Variants in TASOR2 observed in about 807,000 individuals in gnomAD.
The protein encoded by TASOR2 is protein TASOR 2.
In TASOR2, 84 loss-of-function variants were observed where a neutral mutation model predicts 199.5. The observed-to-expected ratio is 0.42, with a 90% CI of 0.35 to 0.50. The LOEUF (loss-of-function observed/expected upper bound fraction) is 0.50. Among genes scored for constraint, TASOR2 ranks in the 20% least tolerant of loss-of-function variants. The probability of loss-of-function intolerance (pLI) is 0.02; values close to 1 mark genes in which losing one functional copy is unlikely to be tolerated. For synonymous variants in TASOR2, 1,103 were observed against 1,046.6 expected (o/e 1.05, Z -1.04); for missense variants, 2,796 against 2,835.9 (o/e 0.99, Z 0.32).
At chr10:5,693,102 G>A (rs1836673338) in intron 1 of TASOR2, among the ~76,000 whole-genome samples, 1 of 152,190 alleles carries the variant, frequency 6.6e-6, no homozygotes, top group South Asian at 2.1e-4. Context: ...TGTGGGGAGA[G>A]AAGCTTTGGC....
At chr10:5,704,578 G>A (rs546176010) in intron 1 of TASOR2, among the ~76,000 whole-genome samples, 63 of 151,900 alleles carry the variant, frequency 4.1e-4, no homozygotes, top group Non-Finnish European at 7.5e-4. Flanking sequence ...TCTTTTTTCA[G>A]CTATTTTTTC....
chr10:5,761,726 C>A, intron 19 of TASOR2: 1 of 344,974 alleles, frequency 2.9e-6, no homozygotes, highest in Non-Finnish European at 5.2e-6. Context: ...GTAGTTATAC[C>A]GTATTATTTT....
At position 5,757,678 on chromosome 10, in the gene TASOR2, G is replaced by A. The variant is rs1839163318; in HGVS notation, c.6886+5G>A. ...TACTAGAAGCTGTAACATTAGGTTGGTCTTTATTTTCTTTTCCTGTTTCTT... is the reference window on the plus strand; with the variant it reads ...TACTAGAAGCTGTAACATTAGGTTGATCTTTATTTTCTTTTCCTGTTTCTT... On this transcript the variant is annotated splice_donor_5th_base_variant and intron_variant, in intron 17 of 20. Coordinates refer to ENST00000328090, the Ensembl canonical transcript of TASOR2. 6.2e-7 allele frequency: 1 copy of A among 1,611,732 alleles called. No individual in the cohort carries two copies. The highest frequency in any genetic ancestry group is 1.3e-5 in the African/African-American group (1 of 74,778).
chr10:5,690,840 T>C lies in TASOR2; in HGVS notation c.-288+5665T>C, dbSNP rs1836335299. Among the ~76,000 whole-genome samples the C allele has an allele frequency of 6.6e-6, 1 of 152,238 alleles. No homozygotes were observed. Among genetic ancestry groups the C allele is most frequent in the Admixed American group, 6.5e-5 (1 of 15,282 alleles). On this transcript the variant is annotated intron_variant, in intron 1 of 20. Transcript: ENST00000328090. This position sits in a 1 kb window ranked among gnomAD's most constrained non-coding sequence, Gnocchi z 4.8. ...GAGGAGCCAGAACAATGGTCATTAC[T>C]GTATAGAGATGTTTTAAAAAGTCAC...
rs1182211867 is a variant in TASOR2 at position 5,751,755 on chromosome 10, T to C, written c.6606+1728T>C. On this transcript the variant is annotated intron_variant, in intron 15 of 20. Transcript: ENST00000328090. The surrounding 1 kb of genome is among the most constrained non-coding windows in gnomAD (Gnocchi z 5.3). ...CGTGAATGAACTCAGTGTCACTTGG[T>C]GTCTTTGCTTCTAGGTCCTCTCAGC... Among the ~76,000 whole-genome samples, 1 of 152,232 alleles carries C rather than the reference T, an allele frequency of 6.6e-6. No individual in the cohort carries two copies. Among genetic ancestry groups the C allele is most frequent in the African/African-American group, 2.4e-5 (1 of 41,462 alleles).
exon 19 of TASOR2, chr10:5,761,470 A>G: frequency 6.2e-7 from 1 of 1,610,322 alleles, no homozygotes; most frequent in Non-Finnish European, 8.5e-7. Context: ...TCCTCCTAAC[A>G]GGTAATTCAC....
chr10:5,709,639 G>A (rs978753355), intron 1 of TASOR2: 5 of 1,231,034 alleles, frequency 4.1e-6, no homozygotes, highest in African/African-American at 1.6e-5. Flanking sequence ...AGAGAAGATC[G>A]AGACAGGGTC....
Position 5,740,520 on chromosome 10 carries a change from G to T in TASOR2, c.2327+23G>T. 1 of 1,590,172 alleles carries T rather than the reference G, an allele frequency of 6.3e-7. No individual in the cohort carries two copies. Reference sequence around the variant, plus strand: ...TGGGTGAGTATGAGTGAAACTTAGTGAAAATGGATGAAACTTTTCTGTTGA... The same window carrying T: ...TGGGTGAGTATGAGTGAAACTTAGTTAAAATGGATGAAACTTTTCTGTTGA... On this transcript the variant is annotated intron_variant, in intron 13 of 20. Coordinates refer to ENST00000328090, the Ensembl canonical transcript of TASOR2. This position sits in a 1 kb window ranked among gnomAD's most constrained non-coding sequence, Gnocchi z 5.3.
Position 5,762,526 on chromosome 10 carries a change from T to TTTTTTTTTTAA in TASOR2, c.7175-6_7175-5insTTTTTTTTTAA. 1 of 699,660 alleles carries TTTTTTTTTTAA rather than the reference T, an allele frequency of 1.4e-6. No homozygotes were observed. The highest frequency in any genetic ancestry group is 2.2e-6 in the Non-Finnish European group (1 of 449,622). The allele number at this position is 699,660 out of a possible 1,614,324, so 43.3% of individuals were successfully genotyped here. On this transcript the variant is annotated splice_region_variant and splice_polypyrimidine_tract_variant and intron_variant, in intron 19 of 20. Transcript: ENST00000328090. ...ACCAAAAGTTGTTTTTTTTTTTTTTTAACAGACAAGCCTACTATCCCCAGA... is the reference window on the plus strand; with the variant it reads ...ACCAAAAGTTGTTTTTTTTTTTTTTTTTTTTTTTTAAAACAGACAAGCCTACTATCCCCAGA...
exon 15 of TASOR2, chr10:5,749,227 G>C: frequency 6.2e-7 from 1 of 1,614,142 alleles, no homozygotes; most frequent in Non-Finnish European, 8.5e-7. Flanking sequence ...AGAACTCAAA[G>C]ATACCATGAG....
intron 1 of TASOR2, among the ~76,000 whole-genome samples, chr10:5,694,813 C>T (rs191772923): frequency 1.4e-4 from 22 of 152,318 alleles, no homozygotes; most frequent in Non-Finnish European, 8.8e-5. Flanking sequence ...CTCCTACCCC[C>T]ATCCCAGACC....
exon 15 of TASOR2, chr10:5,747,575 A>G (rs759817295): frequency 1.2e-6 from 2 of 1,614,178 alleles, no homozygotes; most frequent in East Asian, 2.2e-5. Flanking sequence ...GAGGAAATTA[A>G]TGTGACCTCT....
At position 5,748,430 on chromosome 10, in the gene TASOR2, A is replaced by T; in HGVS notation, c.5009A>T (p.Tyr1670Phe). 1.2e-6 allele frequency: 2 copies of T among 1,614,236 alleles called. No individual in the cohort carries two copies. Among genetic ancestry groups the T allele is most frequent in the Non-Finnish European group, 1.7e-6 (2 of 1,180,036 alleles). Residue 1670 changes from tyrosine to phenylalanine, a missense_variant, in exon 15 of 21, where the codon TAT (tyrosine) becomes TTT (phenylalanine). Tyr to Phe is a conservative substitution (Grantham distance 22, BLOSUM62 3). Transcript: ENST00000328090. The surrounding 1 kb of genome is among the most constrained non-coding windows in gnomAD (Gnocchi z 5.1). ...TCAGACAATGCTACATTAACCCATT[A>T]TGTAAGACCAATAAATGCAGAGCCA...
chr10:5,707,587 A>AT (rs1375112140), intron 1 of TASOR2, among the ~76,000 whole-genome samples: 27 of 152,070 alleles, frequency 1.8e-4, no homozygotes, highest in African/African-American at 6.3e-4. Flanking sequence ...TATTCCTAAA[A>AT]CAAACACTAT....
chr10:5,726,861 T>G (rs1834116669), intron 8 of TASOR2, 24 bp from the exon 10 acceptor site: 1 of 1,599,062 alleles, frequency 6.3e-7, no homozygotes, highest in East Asian at 2.2e-5. Flanking sequence ...ATTCCTTCAG[T>G]TGAATTTTTC....
rs1182917658 is a variant in TASOR2 at position 5,752,407 on chromosome 10, C to G, written c.6606+2380C>G. Among the ~76,000 whole-genome samples the G allele has an allele frequency of 6.6e-6, 1 of 152,180 alleles. No individual in the cohort carries two copies. The highest frequency in any genetic ancestry group is 2.4e-5 in the African/African-American group (1 of 41,436). ...AGGGGCCTGCAGGCCGCGTGCAAAA[C>G]TGGACGTGCCGTGTGTCGGTTCCAC... On this transcript the variant is annotated intron_variant, in intron 15 of 20. Transcript: ENST00000328090. This position sits in a 1 kb window ranked among gnomAD's most constrained non-coding sequence, Gnocchi z 4.4.
At chr10:5,745,679 C>G (rs1225315928) in intron 14 of TASOR2, among the ~76,000 whole-genome samples, 1 of 151,812 alleles carries the variant, frequency 6.6e-6, no homozygotes, top group Non-Finnish European at 1.5e-5. Flanking sequence ...ACTCGGGAGG[C>G]TGAGGCAGAG....
Position 5,692,149 on chromosome 10 carries a change from C to CA in TASOR2, c.-288+6989dup, listed in dbSNP as rs3047334. 1.1e-3 allele frequency among the ~76,000 whole-genome samples: 119 copies of CA among 112,254 alleles called. 9 individuals carry two copies. Among genetic ancestry groups the CA allele is most frequent in the Non-Finnish European group, 1.1e-3 (64 of 57,184 alleles). 73.6% of individuals were successfully genotyped at this position (112,254 alleles called of 152,430 possible). On this transcript the variant is annotated intron_variant, in intron 1 of 20. Transcript: ENST00000328090. ...CAGATTGTGCCACTGCACTCTGTCT[C>CA]AAAAAAAAAAAAAAAGCCATATTCA... is the stretch of plus-strand genomic sequence containing the variant.
chr10:5,733,761 C>T (rs1835175575), intron 11 of TASOR2, among the ~76,000 whole-genome samples: 1 of 151,972 alleles, frequency 6.6e-6, no homozygotes. Context: ...TTAATTTAGT[C>T]TTAACTGTTT....
Sources: gnomAD v4.1 joint callset for allele counts (sites outside exome capture counted in the v4.1 genomes callset) on GRCh38, gnomAD v4.1.1 for gene constraint, Gnocchi (gnomAD v3.1) non-coding constraint, MANE v1.5 for transcripts, NCBI Gene and HGNC (gene_info 2026-07-23, HGNC 2026-07-21) for gene names.